Variants in NCKAP5 observed in about 807,000 individuals in gnomAD.
NCKAP5 encodes NCK associated protein 5.
A neutral mutation model predicts 167.0 loss-of-function variants in NCKAP5; 92 were observed. The ratio of observed to expected loss-of-function variants is 0.55; its 90% CI spans 0.47 to 0.66. NCKAP5 has a LOEUF of 0.66. NCKAP5 is among the 30% of genes least tolerant of loss of function. The pLI, the probability that NCKAP5 is intolerant of heterozygous loss-of-function variation, is 0.00. For synonymous variants in NCKAP5, 891 were observed against 877.4 expected, an observed-to-expected ratio of 1.02 and a Z score of -0.27; for missense variants, 2,378 against 2,315.0, an observed-to-expected ratio of 1.03 and a Z score of -0.56.
intron 15 of NCKAP5, among the ~76,000 whole-genome samples, chr2:132,780,383 C>CTT (rs1400593726): frequency 1.3e-5 from 2 of 152,164 alleles, no homozygotes. Flanking sequence ...ATCTCCTGAC[C>CTT]TTGTGATCCG....
the NCKAP5 span, among the ~76,000 whole-genome samples, chr2:133,598,851 A>G: frequency 6.6e-6 from 1 of 152,160 alleles, no homozygotes; most frequent in Non-Finnish European, 1.5e-5. Flanking sequence ...AGAAGTCAAA[A>G]TCAAGGTGTC....
At chr2:133,607,294 G>T in the NCKAP5 span, among the ~76,000 whole-genome samples, 419 of 151,556 alleles carry the variant, frequency 2.8e-3, 1 homozygote, top group African/African-American at 8.9e-3. Context: ...AGGTGAGTTT[G>T]TTGCTCCCTT....
Position 133,517,599 on chromosome 2 carries a change from G to A in NCKAP5, c.-61-12C>T. On this transcript the variant is annotated splice_polypyrimidine_tract_variant and intron_variant, in intron 2 of 19. Coordinates refer to ENST00000409261, the MANE Select transcript of NCKAP5 (RefSeq NM_207363.3). Reference sequence around the variant, plus strand: ...TGTTTCCAGGGTCACTGAAAAGAGTGAACATGTGTTTTACTATCCAAGTAC... The same window carrying A: ...TGTTTCCAGGGTCACTGAAAAGAGTAAACATGTGTTTTACTATCCAAGTAC... The A allele has an allele frequency of 2.0e-6, 2 of 989,630 alleles. No individual in the cohort carries two copies. The highest frequency in any genetic ancestry group is 2.9e-6 in the Non-Finnish European group (2 of 685,692). 61.3% of individuals were successfully genotyped at this position (989,630 alleles called of 1,614,324 possible).
chr2:132,864,218 T>A (rs1322560815), intron 10 of NCKAP5, among the ~76,000 whole-genome samples: 1 of 152,178 alleles, frequency 6.6e-6, no homozygotes, highest in African/African-American at 2.4e-5. Context: ...TATGACTTCC[T>A]GGCATGTATC....
intron 8 of NCKAP5, among the ~76,000 whole-genome samples, chr2:132,936,943 A>G (rs1190450245): frequency 1.3e-5 from 2 of 152,218 alleles, no homozygotes; most frequent in African/African-American, 4.8e-5. Flanking sequence ...TCATTTGTTT[A>G]ATAGTGATGA....
At chr2:133,004,974 G>T (rs923015956) in intron 6 of NCKAP5, among the ~76,000 whole-genome samples, 1 of 152,130 alleles carries the variant, frequency 6.6e-6, no homozygotes, top group Non-Finnish European at 1.5e-5. Context: ...ATTCTGTTCT[G>T]CCCAGCCCCG....
At chr2:133,607,170 T>C in the NCKAP5 span, among the ~76,000 whole-genome samples, 1 of 152,238 alleles carries the variant, frequency 6.6e-6, no homozygotes, top group Admixed American at 6.5e-5. Context: ...CAACTCTTTT[T>C]AATTTGTAAT....
At position 132,978,872 on chromosome 2, in the gene NCKAP5, G is replaced by T. The variant is rs140093294; in HGVS notation, c.430-15003C>A. Among the ~76,000 whole-genome samples, 5 of 152,336 alleles carry T rather than the reference G, an allele frequency of 3.3e-5. No individual in the cohort carries two copies. The East Asian group carries it at 9.6e-4, about 29-fold the overall frequency. ...ACTCCCACTAAGCTGTAAGGATGCT[G>T]CCTGGTTCTCCGTGTCTCTTTCAAC... On this transcript the variant is annotated intron_variant, in intron 7 of 19. Coordinates refer to ENST00000409261, the MANE Select transcript of NCKAP5 (RefSeq NM_207363.3).
chr2:133,279,785 T>C lies in NCKAP5; in HGVS notation c.143+23252A>G, dbSNP rs148778910. On this transcript the variant is annotated intron_variant, in intron 4 of 19. Coordinates refer to ENST00000409261, the MANE Select transcript of NCKAP5 (RefSeq NM_207363.3). ...TGGAATGCAACTAAATAGTGCCTGG[T>C]TAAATAGTTCCTGGGGCTTGGTAAC... Among the ~76,000 whole-genome samples, 187 of 152,330 alleles carry C rather than the reference T, an allele frequency of 1.2e-3. 2 individuals carry two copies. In the South Asian group the frequency reaches 0.017, roughly 14 times the overall value.
chr2:132,901,428 T>C (rs1020558290), intron 8 of NCKAP5, among the ~76,000 whole-genome samples: 13 of 152,342 alleles, frequency 8.5e-5, no homozygotes, highest in African/African-American at 2.9e-4. Flanking sequence ...TACCACTCCA[T>C]AGAATTGGAA....
chr2:132,794,948 G>T (rs1203799916), intron 12 of NCKAP5, among the ~76,000 whole-genome samples: 2 of 152,062 alleles, frequency 1.3e-5, no homozygotes, highest in African/African-American at 4.8e-5. Flanking sequence ...GGTGCAGCAT[G>T]GTACCACATA....
intron 6 of NCKAP5, among the ~76,000 whole-genome samples, chr2:133,075,576 G>T (rs910658153): frequency 6.6e-6 from 1 of 152,104 alleles, no homozygotes; most frequent in African/African-American, 2.4e-5. Context: ...AGGACAAAAG[G>T]GTCGTGCAAA....
chr2:133,051,063 T>G (rs1183110454), intron 6 of NCKAP5, among the ~76,000 whole-genome samples: 2 of 152,184 alleles, frequency 1.3e-5, no homozygotes, highest in Admixed American at 6.5e-5. Flanking sequence ...AATGGATTTT[T>G]TTTCTTAATC....
intron 3 of NCKAP5, among the ~76,000 whole-genome samples, chr2:133,481,192 CATT>C (rs2151314047): frequency 6.6e-6 from 1 of 152,288 alleles, no homozygotes; most frequent in African/African-American, 2.4e-5. Flanking sequence ...GAAAAACAAA[CATT>C]ATGGATGGGC....
intron 3 of NCKAP5, among the ~76,000 whole-genome samples, chr2:133,412,221 G>A (rs781418750): frequency 2.4e-4 from 36 of 152,144 alleles, no homozygotes; most frequent in Non-Finnish European, 1.6e-4. Context: ...GAAAGGGACC[G>A]CAGAGAGCCC....
chr2:133,377,151 C>T (rs769151427), intron 3 of NCKAP5, among the ~76,000 whole-genome samples: 1 of 152,156 alleles, frequency 6.6e-6, no homozygotes, highest in Non-Finnish European at 1.5e-5. Flanking sequence ...CTCTCTCATT[C>T]ATTTGTAGCC....
At chr2:132,692,071 C>G (rs1686795358) in intron 19 of NCKAP5, among the ~76,000 whole-genome samples, 1 of 152,082 alleles carries the variant, frequency 6.6e-6, no homozygotes. Flanking sequence ...CACTCTGAAG[C>G]CATGCCCTCA....
intron 8 of NCKAP5, among the ~76,000 whole-genome samples, chr2:132,895,827 A>C (rs895018651): frequency 1.4e-4 from 20 of 147,064 alleles, no homozygotes; most frequent in South Asian, 2.1e-4. Context: ...AAAAAAAAAA[A>C]AAAAAACAAA....
the NCKAP5 span, among the ~76,000 whole-genome samples, chr2:133,650,387 A>C: frequency 5.8e-3 from 890 of 152,364 alleles, 4 homozygotes; most frequent in African/African-American, 0.02. Context: ...AGAGAATATC[A>C]AAAGACCATG....
Sources: gnomAD v4.1 joint callset for allele counts (sites outside exome capture counted in the v4.1 genomes callset) on GRCh38, gnomAD v4.1.1 for gene constraint, MANE v1.5 for transcripts, NCBI Gene and HGNC (gene_info 2026-07-23, HGNC 2026-07-21) for gene names.